The following TMEM187 variants were observed in gnomAD, a reference collection of about 807,000 sequenced individuals.
The protein encoded by TMEM187 is transmembrane protein 187, also known as chromosome X open reading frame 12.
TMEM187 carries 14 observed loss-of-function variants against 11.8 expected under a neutral mutation model. The ratio of observed to expected loss-of-function variants is 1.18; its 90% CI spans 0.78 to 1.85. The LOEUF is 1.85. Among genes scored for constraint, TMEM187 ranks in the 40% most tolerant of loss-of-function variants. The pLI is 0.00. For missense variants in TMEM187, 227 were observed against 243.9 expected (o/e 0.93, Z 0.46); for synonymous variants, 112 against 118.5 (o/e 0.95, Z 0.36).
At chrX:153,976,846 CGAGACCCTGTCTCAAAGAAA>C (rs2065579259) in intron 1 of TMEM187, among the ~76,000 whole-genome samples, 1 of 112,551 alleles carries the variant, frequency 8.9e-6, no homozygotes, top group South Asian at 3.6e-4. Context: ...GGAGACAGAA[CGAGACCCTGTCTCAAAGAAA>C]TAAACAAACT....
intron 1 of TMEM187, among the ~76,000 whole-genome samples, chrX:153,978,007 G>A (rs1029018185): frequency 2.7e-5 from 3 of 109,171 alleles, no homozygotes; most frequent in Non-Finnish European, 5.7e-5. Flanking sequence ...CACGAGGTCA[G>A]GAGTTGAAGA....
At chrX:153,981,096 T>G (rs1431008952) in intron 1 of TMEM187, 1 of 109,143 alleles carries the variant, frequency 9.2e-6, no homozygotes, top group Non-Finnish European at 1.9e-5. Flanking sequence ...AGTGCGAAAT[T>G]TATTAATATG....
rs782603482 is a variant in TMEM187, at chrX:153,982,610, G to A, written c.548G>A (p.Arg183Lys). Reference protein sequence around the residue: ...AAVGQALRTHRHYGSTTSATY... With the variant: ...AAVGQALRTHKHYGSTTSATY... The stretch of plus-strand genomic sequence containing the variant: ...GTGGGGCAGGCGCTGCGCACCCACA[G>A]GCACTATGGCAGCACCACCTCGGCT... Residue 183 changes from arginine to lysine, a missense_variant, in exon 2 of 2, where the codon AGG (arginine) becomes AAG (lysine). By Grantham distance (26) the Arg-to-Lys change is conservative (BLOSUM62 2). Transcript: ENST00000369982. 2.6e-5 allele frequency: 31 copies of A among 1,210,931 alleles called. No individual in the cohort carries two copies. In the African/African-American group the frequency reaches 3.5e-4, roughly 14 times the overall value.
At chrX:153,973,542 G>A (rs1557121005) in intron 1 of TMEM187, among the ~76,000 whole-genome samples, 2 of 111,997 alleles carry the variant, frequency 1.8e-5, no homozygotes, top group Non-Finnish European at 3.8e-5. Flanking sequence ...AGACCCGGAG[G>A]CATGGTGGCA....
At chrX:153,973,547 G>A (rs2065563815) in intron 1 of TMEM187, among the ~76,000 whole-genome samples, 1 of 111,985 alleles carries the variant, frequency 8.9e-6, no homozygotes, top group Non-Finnish European at 1.9e-5. Flanking sequence ...CGGAGGCATG[G>A]TGGCACACGC....
chrX:153,983,056 G>A lies in TMEM187; in HGVS notation c.*208G>A. 1 of 710,499 alleles carries A rather than the reference G, an allele frequency of 1.4e-6. No homozygotes were observed. Among genetic ancestry groups the A allele is most frequent in the Admixed American group, 3.0e-5 (1 of 33,017 alleles). The allele number at this position is 710,499 out of a possible 1,213,427, so 58.6% of individuals were successfully genotyped here. On this transcript the variant is annotated 3_prime_UTR_variant, in exon 2 of 2. Transcript: ENST00000369982. ...CTTACTTTCAAAGACATAAAGCACA[G>A]ATCTCCGCACAGGGGATGTGTGTGT... is the stretch of plus-strand genomic sequence containing the variant.
At position 153,981,845 on chromosome X, in the gene TMEM187, C is replaced by A; in HGVS notation, c.-213-5C>A. The A allele has an allele frequency of 1.7e-6, 1 of 602,784 alleles. No individual in the cohort carries two copies. The highest frequency in any genetic ancestry group is 2.5e-6 in the Non-Finnish European group (1 of 393,825). The allele number at this position is 602,784 out of a possible 1,213,427, so 49.7% of individuals were successfully genotyped here. A position where few individuals can be genotyped will look rare whatever the true frequency, so the allele number is the denominator to read the frequency against. ...TCTAACCACACTCCTTTTGTAACCA[C>A]AAAGGAAAAAGGCAGAACGTTCCTC... On this transcript the variant is annotated splice_polypyrimidine_tract_variant and splice_region_variant and intron_variant, in intron 1 of 1. Coordinates refer to ENST00000369982, the MANE Select transcript of TMEM187 (RefSeq NM_003492.3).
At chrX:153,979,951 A>C (rs2065593344) in intron 1 of TMEM187, among the ~76,000 whole-genome samples, 1 of 108,279 alleles carries the variant, frequency 9.2e-6, no homozygotes, top group Admixed American at 9.9e-5. Flanking sequence ...GTTAGCCAGG[A>C]TGCTCTCGAT....
chrX:153,978,274 T>C (rs1219290298), intron 1 of TMEM187, among the ~76,000 whole-genome samples: 1 of 50,824 alleles, frequency 2.0e-5, no homozygotes, highest in Non-Finnish European at 2.8e-5. Context: ...ATACAGATAC[T>C]TTTTTTTTTT....
chrX:153,982,755 C>G lies in TMEM187; in HGVS notation c.693C>G (p.Val231=), dbSNP rs2065610754. The part of the protein sequence containing the change: ...QCLTGHFWSK[V]CDVLQFHFAF... ...TCACAGGCCACTTCTGGTCCAAGGT[C>G]TGTGACGTGCTCCAGTTCCACTTTG... The change falls in exon 2 of 2, where the codon GTC becomes GTG. Residue 231 remains valine, a synonymous_variant. Coordinates refer to ENST00000369982, the MANE Select transcript of TMEM187 (RefSeq NM_003492.3). 4 of 1,212,297 alleles carry G rather than the reference C, an allele frequency of 3.3e-6. No individual in the cohort carries two copies. The highest frequency in any genetic ancestry group is 4.5e-6 in the Non-Finnish European group (4 of 895,667).
rs781834823 is a variant in TMEM187 at position 153,982,440 on chromosome X, C to G, written c.378C>G (p.Pro126=). The change falls in exon 2 of 2, where the codon CCC becomes CCG. Residue 126 remains proline, a synonymous_variant. Coordinates refer to ENST00000369982, the MANE Select transcript of TMEM187 (RefSeq NM_003492.3). ...TCACACTGCCCATCTTTGCATGGCC[C>G]GTGGCCTGGTGCCTCTACCTAGACC... is the stretch of plus-strand genomic sequence containing the variant. The part of the protein sequence containing the change: ...QWLTLPIFAW[P]VAWCLYLDRG... 2 of 1,201,725 alleles carry G rather than the reference C, an allele frequency of 1.7e-6. No homozygotes were observed. The highest frequency in any genetic ancestry group is 2.2e-6 in the Non-Finnish European group (2 of 894,002).
intron 1 of TMEM187, among the ~76,000 whole-genome samples, chrX:153,976,867 TAAAC>T (rs1196487355): frequency 1.8e-5 from 2 of 112,311 alleles, no homozygotes; most frequent in African/African-American, 3.2e-5. Context: ...CTCAAAGAAA[TAAAC>T]AAACTAATAA....
Position 153,982,184 on chromosome X carries a change from C to T in TMEM187, c.122C>T (p.Ala41Val), listed in dbSNP as rs1557122542. ...VSVQVGYEHY[A>V]EAPVAGLPAF... The stretch of plus-strand genomic sequence containing the variant: ...GTGCAAGTGGGCTATGAGCACTACG[C>T]CGAGGCGCCCGTGGCCGGCCTCCCT... Residue 41 changes from alanine to valine, a missense_variant, in exon 2 of 2, where the codon GCC becomes GTC. By Grantham distance (64) the Ala-to-Val change is moderately conservative. Coordinates refer to ENST00000369982, the MANE Select transcript of TMEM187 (RefSeq NM_003492.3). The T allele has an allele frequency of 1.6e-6, 2 of 1,212,512 alleles. No individual in the cohort carries two copies. The highest frequency in any genetic ancestry group is 2.2e-5 in the Admixed American group (1 of 46,156).
rs188891233 is a variant in TMEM187, at chrX:153,979,799, C to T, written c.-213-2051C>T. On this transcript the variant is annotated intron_variant, in intron 1 of 1. Coordinates refer to ENST00000369982, the MANE Select transcript of TMEM187 (RefSeq NM_003492.3). ...TCGCCCAGGTTGGAGTGCAGTGGCG[C>T]GATCTCAGCTCACTGCAAGCTCCGC... 3.4e-3 allele frequency among the ~76,000 whole-genome samples: 330 copies of T among 97,435 alleles called. 7 individuals carry two copies. Among genetic ancestry groups the T allele is most frequent in the Admixed American group, 0.023 (204 of 8,803 alleles). 84.6% of individuals were successfully genotyped at this position (97,435 alleles called of 115,157 possible).
intron 1 of TMEM187, among the ~76,000 whole-genome samples, chrX:153,979,018 C>T (rs2065588487): frequency 9.0e-6 from 1 of 111,624 alleles, no homozygotes; most frequent in Non-Finnish European, 1.9e-5. Flanking sequence ...GAACTCCTGA[C>T]CTCAAGTGAT....
chrX:153,978,796 T>C (rs1361188930), intron 1 of TMEM187, among the ~76,000 whole-genome samples: 1 of 104,063 alleles, frequency 9.6e-6, no homozygotes. Flanking sequence ...TGTTTTGTTT[T>C]GTTTTTCTGA....
At chrX:153,979,582 T>C (rs1557122005) in intron 1 of TMEM187, among the ~76,000 whole-genome samples, 1 of 108,900 alleles carries the variant, frequency 9.2e-6, no homozygotes, top group African/African-American at 3.3e-5. Flanking sequence ...GTCGAAAATA[T>C]AGGAACTGGA....
At chrX:153,979,734 ATTTTTTTT>A (rs781814360) in intron 1 of TMEM187, among the ~76,000 whole-genome samples, 1 of 60,930 alleles carries the variant, frequency 1.6e-5, no homozygotes, top group Non-Finnish European at 3.0e-5. Context: ...TGTCTCTACA[ATTTTTTTT>A]TTTTTTTTTT....
In TMEM187 at chrX:153,982,974, T is replaced by C; in HGVS notation, c.*126T>C. On this transcript the variant is annotated 3_prime_UTR_variant, in exon 2 of 2. Coordinates refer to ENST00000369982, the MANE Select transcript of TMEM187 (RefSeq NM_003492.3). ...ATGCACTGATCACACAAGACTGCCC[T>C]TTCCTGAGAAGCTGCGGGCTTCGGT... 1 of 1,159,263 alleles carries C rather than the reference T, an allele frequency of 8.6e-7. No individual in the cohort carries two copies. Among genetic ancestry groups the C allele is most frequent in the Non-Finnish European group, 1.2e-6 (1 of 862,784 alleles).
Sources: allele counts gnomAD v4.1 joint callset (sites outside exome capture counted in the v4.1 genomes callset), GRCh38; gene constraint gnomAD v4.1.1; transcripts MANE v1.5; gene names NCBI Gene and HGNC (gene_info 2026-07-23, HGNC 2026-07-21).